NLGN1: variants seen among roughly 807,000 people sequenced by gnomAD.
NLGN1 encodes the protein neuroligin 1.
In NLGN1, 12 loss-of-function variants were observed where a neutral mutation model predicts 65.5. The ratio of observed to expected loss-of-function variants is 0.18; its 90% CI spans 0.12 to 0.30. The LOEUF is 0.30. Ranked by LOEUF, NLGN1 falls within the 10% of genes least tolerant of loss-of-function variation. The pLI is 1.00. For missense variants in NLGN1, 750 were observed against 1,007.1 expected, an observed-to-expected ratio of 0.74 and a Z score of 3.46; for synonymous variants, 350 against 359.5, an observed-to-expected ratio of 0.97 and a Z score of 0.30.
chr3:173,590,282 C>G (rs1462267330), intron 2 of NLGN1, among the ~76,000 whole-genome samples: 1 of 152,156 alleles, frequency 6.6e-6, no homozygotes, highest in Non-Finnish European at 1.5e-5. Flanking sequence ...ACATAAGTGA[C>G]AGTGTTATCT....
intron 2 of NLGN1, among the ~76,000 whole-genome samples, chr3:173,538,663 G>A (rs1036913709): frequency 1.3e-5 from 2 of 152,162 alleles, no homozygotes. Flanking sequence ...GCTGCTGGGA[G>A]ATTAGGCTAT....
intron 3 of NLGN1, among the ~76,000 whole-genome samples, chr3:173,664,650 C>T (rs1761447591): frequency 6.6e-6 from 1 of 152,078 alleles, no homozygotes; most frequent in Non-Finnish European, 1.5e-5. Flanking sequence ...TGCTTTCATA[C>T]ATGTTCTCAT....
At chr3:173,715,651 T>A (rs1237323673) in intron 3 of NLGN1, among the ~76,000 whole-genome samples, 1 of 152,176 alleles carries the variant, frequency 6.6e-6, no homozygotes. Context: ...ATAGAACTTA[T>A]TATGCTAGCT....
intron 4 of NLGN1, among the ~76,000 whole-genome samples, chr3:173,818,269 CAAAT>C (rs1156569318): frequency 1.3e-5 from 2 of 152,010 alleles, no homozygotes; most frequent in Admixed American, 6.5e-5. Context: ...TGACATTAAA[CAAAT>C]AAACAAAACA....
intron 3 of NLGN1, among the ~76,000 whole-genome samples, chr3:173,699,002 A>C (rs1029602763): frequency 6.6e-6 from 1 of 152,080 alleles, no homozygotes; most frequent in Non-Finnish European, 1.5e-5. Flanking sequence ...GATTACACGC[A>C]TGCGCCACCT....
At position 173,899,821 on chromosome 3, in the gene NLGN1, A is replaced by G. The variant is rs547755171; in HGVS notation, c.646+91989A>G. Among the ~76,000 whole-genome samples the G allele has an allele frequency of 7.9e-5, 12 of 152,184 alleles. No individual in the cohort carries two copies. The South Asian group carries it at 2.5e-3, about 32-fold the overall frequency. Reference sequence around the variant, plus strand: ...TTTGCTTGCCCATGGACTGAATGACACTTATTTTTAATTTGGATGTTTTAA... The same window carrying G: ...TTTGCTTGCCCATGGACTGAATGACGCTTATTTTTAATTTGGATGTTTTAA... On this transcript the variant is annotated intron_variant, in intron 4 of 6. Transcript: ENST00000457714.
At chr3:173,741,307 G>A (rs915705833) in intron 3 of NLGN1, among the ~76,000 whole-genome samples, 2 of 151,882 alleles carry the variant, frequency 1.3e-5, no homozygotes, top group African/African-American at 2.4e-5. Flanking sequence ...TCTAGCCCAG[G>A]GCCATCATAG....
In NLGN1 at chr3:173,681,031, T is replaced by G. The variant is rs533165946; in HGVS notation, c.493+75940T>G. 1.8e-4 allele frequency among the ~76,000 whole-genome samples: 27 copies of G among 152,302 alleles called. 1 individual carries two copies. In the South Asian group the frequency reaches 5.0e-3, roughly 28 times the overall value. ...GTTAAAACTATGTCCTTCAACACGT[T>G]TAACAGTGAATTTTAGCTACATAAT... On this transcript the variant is annotated intron_variant, in intron 3 of 6. Coordinates refer to ENST00000457714, the Ensembl canonical transcript of NLGN1.
intron 4 of NLGN1, among the ~76,000 whole-genome samples, chr3:173,956,875 T>C (rs1429942982): frequency 1.3e-5 from 2 of 152,196 alleles, no homozygotes; most frequent in African/African-American, 4.8e-5. Context: ...TCTATAGAGA[T>C]GGGAAAATTT....
chr3:173,427,471 C>G (rs4401387), intron 1 of NLGN1, among the ~76,000 whole-genome samples: 43,145 of 151,488 alleles, frequency 0.28, 6,349 homozygotes, highest in Middle Eastern at 0.4. Context: ...TTTCTTAGTA[C>G]TACTTTTGCT....
At chr3:174,024,934 A>T (rs1343608805) in intron 4 of NLGN1, among the ~76,000 whole-genome samples, 1 of 152,190 alleles carries the variant, frequency 6.6e-6, no homozygotes, top group Admixed American at 6.5e-5. Flanking sequence ...GTACAAGCTC[A>T]ACATAAAAAT....
At chr3:174,043,268 A>T (rs1732766554) in intron 4 of NLGN1, among the ~76,000 whole-genome samples, 1 of 152,116 alleles carries the variant, frequency 6.6e-6, no homozygotes, top group Non-Finnish European at 1.5e-5. Context: ...CCCCTTCCAG[A>T]TCTCATGTAT....
intron 4 of NLGN1, among the ~76,000 whole-genome samples, chr3:173,985,806 T>G (rs1222376142): frequency 1.3e-5 from 2 of 151,946 alleles, no homozygotes; most frequent in African/African-American, 4.8e-5. Flanking sequence ...AAAAATTAGC[T>G]GGGCTTGGTT....
intron 2 of NLGN1, among the ~76,000 whole-genome samples, chr3:173,546,502 A>G (rs1434417126): frequency 1.3e-5 from 2 of 152,202 alleles, no homozygotes; most frequent in African/African-American, 4.8e-5. Context: ...GTGCTGTTAA[A>G]TAAAAATATA....
intron 2 of NLGN1, among the ~76,000 whole-genome samples, chr3:173,546,768 G>A (rs1739921644): frequency 6.6e-6 from 1 of 152,090 alleles, no homozygotes; most frequent in East Asian, 1.9e-4. Flanking sequence ...CTTTACACAG[G>A]CTTTTACTTA....
intron 3 of NLGN1, among the ~76,000 whole-genome samples, chr3:173,636,075 C>T (rs566577985): frequency 3.3e-5 from 5 of 152,190 alleles, no homozygotes; most frequent in Non-Finnish European, 5.9e-5. Flanking sequence ...GGTAAATTGC[C>T]TATCGTTTTT....
chr3:174,047,740 C>T (rs972671460), intron 4 of NLGN1, among the ~76,000 whole-genome samples: 14 of 151,506 alleles, frequency 9.2e-5, no homozygotes, highest in Non-Finnish European at 2.1e-4. Context: ...ATTCGTATTC[C>T]TATCATTATT....
At chr3:173,786,701 T>C (rs1782026667) in intron 3 of NLGN1, among the ~76,000 whole-genome samples, 1 of 152,134 alleles carries the variant, frequency 6.6e-6, no homozygotes, top group Non-Finnish European at 1.5e-5. Flanking sequence ...TTAACCTGTA[T>C]CAGAAAAAAT....
chr3:173,406,583 T>A (rs958784571), intron 1 of NLGN1, among the ~76,000 whole-genome samples: 1 of 148,326 alleles, frequency 6.7e-6, no homozygotes, highest in Non-Finnish European at 1.5e-5. Context: ...TTCATATATA[T>A]GTATTCATAT....
Sources: gnomAD v4.1 joint callset for allele counts (sites outside exome capture counted in the v4.1 genomes callset) on GRCh38, gnomAD v4.1.1 for gene constraint, MANE v1.5 for transcripts, NCBI Gene and HGNC (gene_info 2026-07-23, HGNC 2026-07-21) for gene names.